UBE3A: variants seen among roughly 807,000 people sequenced by gnomAD.
UBE3A encodes the protein ubiquitin protein ligase E3A, also known as ubiquitin-protein ligase E3A.
UBE3A carries 6 observed loss-of-function variants against 83.4 expected under a neutral mutation model. That is an observed-to-expected ratio of 0.07 (90% CI 0.04 to 0.14). The LOEUF (loss-of-function observed/expected upper bound fraction) is 0.14, where lower values mean the gene tolerates loss of function less well. Among genes scored for constraint, UBE3A ranks in the 10% least tolerant of loss-of-function variants. UBE3A has a pLI of 1.00. For synonymous variants in UBE3A, 337 were observed against 355.4 expected, an observed-to-expected ratio of 0.95 and a Z score of 0.58; for missense variants, 456 against 1,036.1, an observed-to-expected ratio of 0.44 and a Z score of 7.69.
intron 11 of UBE3A, chr15:25,354,145 TTA>T: frequency 1.6e-6 from 1 of 610,046 alleles, no homozygotes; most frequent in Non-Finnish European, 2.9e-6. Context: ...TACATGAGAC[TTA>T]TATATAACAA....
intron 4 of UBE3A, among the ~76,000 whole-genome samples, chr15:25,398,775 A>ATATATATATATATATATATATATC (rs2086238579): frequency 5.5e-5 from 1 of 18,154 alleles, no homozygotes; most frequent in Non-Finnish European, 9.8e-5. Flanking sequence ...TTTTATTTAT[A>ATATATATATATATATATATATATC]TATATATATA....
chr15:25,401,740 A>AT (rs201565392), intron 4 of UBE3A, among the ~76,000 whole-genome samples: 20 of 151,654 alleles, frequency 1.3e-4, no homozygotes, highest in East Asian at 3.9e-4. Context: ...ACAACTCTTT[A>AT]TTTTTTTTAT....
At chr15:25,402,227 A>C (rs1257213145) in intron 4 of UBE3A, among the ~76,000 whole-genome samples, 1 of 152,194 alleles carries the variant, frequency 6.6e-6, no homozygotes, top group African/African-American at 2.4e-5. Flanking sequence ...TCCAGAGATT[A>C]TGCAGCCTGA....
intron 4 of UBE3A, among the ~76,000 whole-genome samples, chr15:25,377,174 A>G (rs957596977): frequency 1.3e-5 from 2 of 152,226 alleles, no homozygotes; most frequent in Non-Finnish European, 2.9e-5. Flanking sequence ...GAGAAACTCA[A>G]CAATTAACAA....
intron 11 of UBE3A, among the ~76,000 whole-genome samples, chr15:25,340,980 A>G (rs1338152606): frequency 6.6e-6 from 1 of 152,224 alleles, no homozygotes; most frequent in Non-Finnish European, 1.5e-5. Flanking sequence ...GAGTTCTAAA[A>G]AACGAAATAC....
At chr15:25,353,863 T>C (rs1280437004) in intron 11 of UBE3A, among the ~76,000 whole-genome samples, 1 of 152,146 alleles carries the variant, frequency 6.6e-6, no homozygotes, top group Non-Finnish European at 1.5e-5. Context: ...TACATCTTTC[T>C]GTGAGAATTC....
chr15:25,348,225 G>A (rs1042698530), intron 11 of UBE3A, among the ~76,000 whole-genome samples: 1 of 151,856 alleles, frequency 6.6e-6, no homozygotes, highest in Non-Finnish European at 1.5e-5. Flanking sequence ...AATCTCAGAA[G>A]CAGACCTATA....
At position 25,370,995 on chromosome 15, in the gene UBE3A, ATCT is replaced by A; in HGVS notation, c.1176_1178del (p.Glu392del). The A allele has an allele frequency of 1.2e-6, 2 of 1,614,000 alleles. No homozygotes were observed. Among genetic ancestry groups the A allele is most frequent in the East Asian group, 2.2e-5 (1 of 44,866 alleles). On this transcript the variant is annotated inframe_deletion, in exon 6 of 13. Transcript: ENST00000648336. The surrounding 1 kb of genome is among the most constrained non-coding windows in gnomAD (Gnocchi z 4.2). The stretch of plus-strand genomic sequence containing the variant: ...TGGACTCAGGGATGGGCTCTTCATC[ATCT>A]TCTTCATTGTGATTTGTGTCCACTT...
chr15:25,402,482 C>T (rs1427228408), intron 4 of UBE3A, among the ~76,000 whole-genome samples: 3 of 152,192 alleles, frequency 2.0e-5, no homozygotes, highest in Admixed American at 1.3e-4. Flanking sequence ...ATCTAGAGGG[C>T]AGGGCTGCAG....
At chr15:25,401,452 G>C (rs79847186) in intron 4 of UBE3A, among the ~76,000 whole-genome samples, 1,532 of 152,270 alleles carry the variant, frequency 0.01, 15 homozygotes, top group Middle Eastern at 0.054. Context: ...TTTGGTGGGA[G>C]ATATTTTTAT....
At chr15:25,412,624 TCTTAA>T (rs904216544) in intron 1 of UBE3A, among the ~76,000 whole-genome samples, 3 of 152,172 alleles carry the variant, frequency 2.0e-5, no homozygotes, top group Non-Finnish European at 1.5e-5. Context: ...CACTGTAAAT[TCTTAA>T]CTTGTTTGTA....
intron 11 of UBE3A, among the ~76,000 whole-genome samples, chr15:25,351,445 A>G (rs1566875225): frequency 6.6e-6 from 1 of 152,174 alleles, no homozygotes; most frequent in East Asian, 1.9e-4. Flanking sequence ...TCTATGAAGT[A>G]TTTGGGAAGG....
chr15:25,386,721 AC>A (rs1451951555), intron 4 of UBE3A, among the ~76,000 whole-genome samples: 1 of 151,926 alleles, frequency 6.6e-6, no homozygotes, highest in Non-Finnish European at 1.5e-5. Context: ...AAATCACCTT[AC>A]CTGTAGAGGA....
Position 25,340,068 on chromosome 15 carries a change from A to C in UBE3A, c.2498+17T>G. ...GGTTTTCGGTAGGTATACAGTCACA[A>C]GTTAATAATTACCTACCTTTCTGTG... On this transcript the variant is annotated intron_variant, in intron 12 of 12. Transcript: ENST00000648336. The C allele has an allele frequency of 6.2e-7, 1 of 1,613,996 alleles. No individual in the cohort carries two copies. The highest frequency in any genetic ancestry group is 8.5e-7 in the Non-Finnish European group (1 of 1,179,904).
At chr15:25,360,271 C>T in intron 7 of UBE3A, 112 bp downstream of exon 7, 2 of 1,457,098 alleles carry the variant, frequency 1.4e-6, no homozygotes, top group Admixed American at 1.8e-5. Flanking sequence ...TAATCCATAC[C>T]AAATCCTTCT....
intron 11 of UBE3A, chr15:25,353,984 G>C (rs1275109831): frequency 1.1e-5 from 3 of 268,866 alleles, no homozygotes; most frequent in Non-Finnish European, 2.1e-5. Flanking sequence ...CTTGATCCTG[G>C]GAAGCCATGT....
intron 4 of UBE3A, among the ~76,000 whole-genome samples, chr15:25,403,554 T>C (rs1393089658): frequency 6.6e-6 from 1 of 152,062 alleles, no homozygotes; most frequent in Non-Finnish European, 1.5e-5. Flanking sequence ...AGTATGGCAG[T>C]TTCTCAAAAT....
chr15:25,356,118 A>G lies in UBE3A; in HGVS notation c.1960-62T>C, dbSNP rs2077179799. On this transcript the variant is annotated intron_variant, in intron 8 of 12. Transcript: ENST00000648336. ...AACTACAAAATACAACAAATAATTTATATCACTCTTCTTAGAAGACAACAA... is the reference window on the plus strand; with the variant it reads ...AACTACAAAATACAACAAATAATTTGTATCACTCTTCTTAGAAGACAACAA... 6 of 1,572,626 alleles carry G rather than the reference A, an allele frequency of 3.8e-6. No individual in the cohort carries two copies. In the Admixed American group the frequency reaches 8.3e-5, roughly 22 times the overall value.
chr15:25,412,584 C>A (rs770128210), intron 1 of UBE3A, among the ~76,000 whole-genome samples: 8 of 152,004 alleles, frequency 5.3e-5, no homozygotes, highest in Admixed American at 1.3e-4. Context: ...AAAAAAAAAT[C>A]CTGAAGCTTA....
Sources: gnomAD v4.1 joint callset for allele counts (sites outside exome capture counted in the v4.1 genomes callset) on GRCh38, gnomAD v4.1.1 for gene constraint, Gnocchi (gnomAD v3.1) non-coding constraint, MANE v1.5 for transcripts, NCBI Gene and HGNC (gene_info 2026-07-23, HGNC 2026-07-21) for gene names.